ZNF267: variants seen among roughly 807,000 people sequenced by gnomAD.
ZNF267 encodes the protein zinc finger (C2H2).
In ZNF267, 61 loss-of-function variants were observed where a neutral mutation model predicts 71.6. The observed-to-expected ratio is 0.85, with a 90% CI of 0.69 to 1.05. The LOEUF (loss-of-function observed/expected upper bound fraction) is 1.05, where lower values mean the gene tolerates loss of function less well. Ranked by LOEUF, ZNF267 falls within the 50% of genes least tolerant of loss-of-function variation. The pLI, the probability that ZNF267 is intolerant of heterozygous loss-of-function variation, is 0.00. For missense variants in ZNF267, 852 were observed against 870.0 expected (o/e 0.98, Z 0.26); for synonymous variants, 288 against 293.2 (o/e 0.98, Z 0.18).
chr16:31,909,120 C>CTTTTTTTTTTTT (rs34409182), intron 3 of ZNF267, among the ~76,000 whole-genome samples: 7 of 45,322 alleles, frequency 1.5e-4, no homozygotes, highest in African/African-American at 2.6e-4. Context: ...CTTTTCTTTT[C>CTTTTTTTTTTTT]TTTTTTTTTT....
Position 31,916,223 on chromosome 16 carries a change from A to G in ZNF267, c.1974A>G (p.Arg658=), listed in dbSNP as rs1490858932. 1 of 1,614,130 alleles carries G rather than the reference A, an allele frequency of 6.2e-7. No homozygotes were observed. The highest frequency in any genetic ancestry group is 1.7e-5 in the Admixed American group (1 of 60,030). Residue 658 remains arginine (R), a synonymous_variant, in exon 4 of 4, where the codon AGA becomes AGG. Transcript: ENST00000300870. ...ATCAGAGAAGTCATACTGGAGAGAG[A>G]CCCTACAAATGTGAAGAATGTGGCA... is the stretch of plus-strand genomic sequence containing the variant. ...TTHQRSHTGE[R]PYKCEECGKA...
chr16:31,875,246 C>A, intron 1 of ZNF267: 1 of 1,289,176 alleles, frequency 7.8e-7, no homozygotes, highest in Non-Finnish European at 1.0e-6. Flanking sequence ...GCCATGTCTC[C>A]TGGAGTGTTT....
Position 31,916,562 on chromosome 16 carries a change from C to T in ZNF267, c.*81C>T. ...AGATAATTTATATGGGAGTGAAACC[C>T]TACAAATGTTAAGAATGTGGCATAA... On this transcript the variant is annotated 3_prime_UTR_variant, in exon 4 of 4. Coordinates refer to ENST00000300870, the MANE Select transcript of ZNF267 (RefSeq NM_003414.6). 1 of 1,329,880 alleles carries T rather than the reference C, an allele frequency of 7.5e-7. No homozygotes were observed. Among genetic ancestry groups the T allele is most frequent in the East Asian group, 2.4e-5 (1 of 41,072 alleles). 82.4% of individuals were successfully genotyped at this position (1,329,880 alleles called of 1,614,324 possible).
intron 1 of ZNF267, among the ~76,000 whole-genome samples, chr16:31,879,576 C>G (rs1016938878): frequency 6.6e-6 from 1 of 152,172 alleles, no homozygotes; most frequent in African/African-American, 2.4e-5. Flanking sequence ...TGGGTCCTTT[C>G]CCTCTTTGAT....
At chr16:31,889,129 G>A (rs2083942932) in intron 3 of ZNF267, among the ~76,000 whole-genome samples, 1 of 145,556 alleles carries the variant, frequency 6.9e-6, no homozygotes, top group Non-Finnish European at 1.5e-5. Context: ...CAGCTGGAAT[G>A]ACTGCTTTTT....
Position 31,915,373 on chromosome 16 carries a change from C to G in ZNF267, c.1124C>G (p.Thr375Ser), listed in dbSNP as rs776339435. The stretch of plus-strand genomic sequence containing the variant: ...CTTACTAAACAGCAGCAAATTGATA[C>G]TGGAGAAAACCTTTACAAATGTAAA... ...LYLTKQQQIDTGENLYKCKAC... is the reference protein window; with the variant it reads ...LYLTKQQQIDSGENLYKCKAC... The change falls in exon 4 of 4, where the codon ACT (threonine) becomes AGT (serine). Residue 375 changes from threonine to serine, a missense_variant. Coordinates refer to ENST00000300870, the MANE Select transcript of ZNF267 (RefSeq NM_003414.6). The G allele has an allele frequency of 6.8e-6, 11 of 1,613,300 alleles. No individual in the cohort carries two copies. The highest frequency in any genetic ancestry group is 9.3e-6 in the Non-Finnish European group (11 of 1,179,782).
In ZNF267 at chr16:31,914,522, A is replaced by G. The variant is rs897617516; in HGVS notation, c.273A>G (p.Thr91=). Residue 91 remains threonine (T), a synonymous_variant, in exon 4 of 4, where the codon ACA becomes ACG. Coordinates refer to ENST00000300870, the MANE Select transcript of ZNF267 (RefSeq NM_003414.6). ...YNKDLLTEHC[T]EASFQKVISR... The stretch of plus-strand genomic sequence containing the variant: ...AGGACCTGTTGACAGAGCACTGCAC[A>G]GAAGCTTCATTCCAAAAAGTGATAT... 3 of 1,613,756 alleles carry G rather than the reference A, an allele frequency of 1.9e-6. No homozygotes were observed. The highest frequency in any genetic ancestry group is 4.5e-5 in the East Asian group (2 of 44,882).
In ZNF267 at chr16:31,873,914, C is replaced by T. The variant is rs1009366042; in HGVS notation, c.-53C>T. ...AGAACCTCTGTTGCTCTGCGACTTG[C>T]AGGCACTGGGAGATTCGTAGCTAAG... On this transcript the variant is annotated 5_prime_UTR_variant, in exon 1 of 4. Coordinates refer to ENST00000300870, the MANE Select transcript of ZNF267 (RefSeq NM_003414.6). 1.2e-6 allele frequency: 2 copies of T among 1,612,948 alleles called. No individual in the cohort carries two copies. The highest frequency in any genetic ancestry group is 1.7e-6 in the Non-Finnish European group (2 of 1,179,198).
In ZNF267 at chr16:31,915,578, AGCTT is replaced by A; in HGVS notation, c.1330_1333del (p.Ala444LeufsTer320). 6.2e-7 allele frequency: 1 copy of A among 1,613,300 alleles called. No individual in the cohort carries two copies. Among genetic ancestry groups the A allele is most frequent in the Non-Finnish European group, 8.5e-7 (1 of 1,179,860 alleles). Reference sequence around the variant, plus strand: ...CTTATAAATGTAAAGAATGTGGAAAAGCTTTTAACCGTAGTTCATGCCTTACTCA... The same window carrying A: ...CTTATAAATGTAAAGAATGTGGAAAATTAACCGTAGTTCATGCCTTACTCA... On this transcript the variant is annotated frameshift_variant, in exon 4 of 4. Coordinates refer to ENST00000300870, the MANE Select transcript of ZNF267 (RefSeq NM_003414.6). LOFTEE classifies it high-confidence loss of function.
intron 1 of ZNF267, chr16:31,875,253 G>A: frequency 7.8e-7 from 1 of 1,289,190 alleles, no homozygotes; most frequent in Non-Finnish European, 1.0e-6. Context: ...CTCCTGGAGT[G>A]TTTAGTGACT....
chr16:31,916,137 A>C lies in ZNF267; in HGVS notation c.1888A>C (p.Arg630=). 3 of 1,614,200 alleles carry C rather than the reference A, an allele frequency of 1.9e-6. No homozygotes were observed. Among genetic ancestry groups the C allele is most frequent in the Non-Finnish European group, 2.5e-6 (3 of 1,180,026 alleles). ...IQHRRIHTGQ[R]PYKCEECGKA... ...GCATCGGAGAATTCATACTGGCCAG[A>C]GACCCTACAAATGTGAAGAATGTGG... Residue 630 remains arginine (R), a synonymous_variant, in exon 4 of 4, where the codon AGA becomes CGA. Transcript: ENST00000300870.
Position 31,915,200 on chromosome 16 carries a change from T to C in ZNF267, c.951T>C (p.Asn317=), listed in dbSNP as rs771168575. Residue 317 remains asparagine (N), a synonymous_variant, in exon 4 of 4, where the codon AAT becomes AAC. Transcript: ENST00000300870. ...SSNLRKQIIH[N]EEKPYKCEKC... ...ATCTTAGAAAGCAGATAATCCATAA[T>C]GAAGAGAAACCATACAAATGTGAAA... 2 of 1,613,514 alleles carry C rather than the reference T, an allele frequency of 1.2e-6. No individual in the cohort carries two copies. Among genetic ancestry groups the C allele is most frequent in the Non-Finnish European group, 1.7e-6 (2 of 1,179,816 alleles).
At chr16:31,907,364 C>A (rs540654212) in intron 3 of ZNF267, among the ~76,000 whole-genome samples, 41 of 152,186 alleles carry the variant, frequency 2.7e-4, no homozygotes, top group African/African-American at 9.6e-4. Context: ...TTTTTTCCTT[C>A]ATTTTTTAAT....
chr16:31,900,817 T>A (rs2084035041), intron 3 of ZNF267, among the ~76,000 whole-genome samples: 1 of 151,006 alleles, frequency 6.6e-6, no homozygotes, highest in East Asian at 1.9e-4. Flanking sequence ...TTTATTATTA[T>A]ATTTTAAGTT....
At position 31,915,977 on chromosome 16, in the gene ZNF267, C is replaced by A; in HGVS notation, c.1728C>A (p.Tyr576Ter). The A allele has an allele frequency of 1.2e-6, 2 of 1,612,702 alleles. No homozygotes were observed. Among genetic ancestry groups the A allele is most frequent in the Non-Finnish European group, 1.7e-6 (2 of 1,179,004 alleles). ...HHRIHTGEKP[Y>*]KCKACSKSFS... The stretch of plus-strand genomic sequence containing the variant: ...GAATTCATACTGGAGAAAAACCATA[C>A]AAATGTAAAGCATGTAGCAAATCTT... The change falls in exon 4 of 4, where the codon TAC (tyrosine) becomes TAA (stop). Residue 576 changes from tyrosine (Y) to a stop codon, truncating the protein, a stop_gained. Transcript: ENST00000300870. LOFTEE classifies it high-confidence loss of function.
At chr16:31,905,552 G>C (rs1050127562) in intron 3 of ZNF267, among the ~76,000 whole-genome samples, 2 of 151,752 alleles carry the variant, frequency 1.3e-5, no homozygotes, top group Non-Finnish European at 2.9e-5. Flanking sequence ...TCCATCACTG[G>C]TACCCTTTCT....
intron 3 of ZNF267, among the ~76,000 whole-genome samples, chr16:31,895,914 GT>G (rs2083994847): frequency 6.6e-6 from 1 of 152,062 alleles, no homozygotes; most frequent in African/African-American, 2.4e-5. Context: ...TTCTCACATT[GT>G]TTAGGTTGTC....
chr16:31,907,880 G>GAA (rs879893124), intron 3 of ZNF267, among the ~76,000 whole-genome samples: 3 of 141,670 alleles, frequency 2.1e-5, no homozygotes, highest in African/African-American at 7.7e-5. Context: ...ACTAAAAATT[G>GAA]AAAAAAAAAA....
intron 3 of ZNF267, among the ~76,000 whole-genome samples, chr16:31,901,532 A>T (rs1440677498): frequency 6.6e-6 from 1 of 152,062 alleles, no homozygotes. Context: ...TTTGATTTGC[A>T]TTTCTCTGAT....
Sources: gnomAD v4.1 joint callset for allele counts (sites outside exome capture counted in the v4.1 genomes callset) on GRCh38, gnomAD v4.1.1 for gene constraint, MANE v1.5 for transcripts, NCBI Gene and HGNC (gene_info 2026-07-23, HGNC 2026-07-21) for gene names.